SCG5: variants seen among roughly 807,000 people sequenced by gnomAD.
SCG5 encodes neuroendocrine protein 7B2.
A neutral mutation model predicts 25.7 loss-of-function variants in SCG5; 18 were observed. The observed-to-expected ratio is 0.70, with a 90% CI of 0.48 to 1.04. The LOEUF is 1.04. Ranked by LOEUF, SCG5 falls within the 50% of genes least tolerant of loss-of-function variation. SCG5 has a pLI of 0.00. For synonymous variants in SCG5, 101 were observed against 91.7 expected, an observed-to-expected ratio of 1.10 and a Z score of -0.58; for missense variants, 206 against 259.8, an observed-to-expected ratio of 0.79 and a Z score of 1.42.
At chr15:32,672,007 C>G (rs1441741680) in intron 2 of SCG5, among the ~76,000 whole-genome samples, 1 of 152,238 alleles carries the variant, frequency 6.6e-6, no homozygotes, top group Non-Finnish European at 1.5e-5. Context: ...GGAGGCCAGG[C>G]GGTGTCTGGA....
At chr15:32,665,639 G>C (rs2140534763) in intron 2 of SCG5, 1 of 152,272 alleles carries the variant, frequency 6.6e-6, no homozygotes, top group East Asian at 1.9e-4. Context: ...GGGCCTCCTT[G>C]TCATCCAGAG....
At chr15:32,657,083 G>A (rs533355687) in intron 2 of SCG5, among the ~76,000 whole-genome samples, 1 of 149,998 alleles carries the variant, frequency 6.7e-6, no homozygotes, top group East Asian at 2.0e-4. Context: ...CATCTCACAG[G>A]TTTGACAGGG....
intron 2 of SCG5, among the ~76,000 whole-genome samples, chr15:32,663,080 AT>A (rs2054262421): frequency 3.9e-5 from 3 of 77,720 alleles, no homozygotes; most frequent in East Asian, 3.6e-4. Context: ...TATATATATA[AT>A]ATATAATATG....
At chr15:32,655,373 ATTGG>A (rs2054099980) in intron 2 of SCG5, among the ~76,000 whole-genome samples, 1 of 152,032 alleles carries the variant, frequency 6.6e-6, no homozygotes, top group South Asian at 2.1e-4. Flanking sequence ...AGCAAAATGA[ATTGG>A]TCCACTTCCG....
At chr15:32,651,928 G>A (rs1015221791) in intron 2 of SCG5, among the ~76,000 whole-genome samples, 1 of 152,176 alleles carries the variant, frequency 6.6e-6, no homozygotes, top group South Asian at 2.1e-4. Context: ...AGTCATCCCC[G>A]TGTTAGTGGT....
At chr15:32,690,872 C>A (rs1396475271) in intron 4 of SCG5, among the ~76,000 whole-genome samples, 2 of 150,490 alleles carry the variant, frequency 1.3e-5, no homozygotes, top group Admixed American at 6.6e-5. Flanking sequence ...TTTTATACAT[C>A]ATTTTCCTCC....
intron 2 of SCG5, among the ~76,000 whole-genome samples, chr15:32,644,150 G>A (rs1313790440): frequency 6.6e-6 from 1 of 152,188 alleles, no homozygotes; most frequent in Non-Finnish European, 1.5e-5. Context: ...ATGAATGAAG[G>A]AGCATCTAGT....
intron 5 of SCG5, 33 bp downstream of exon 5, chr15:32,691,796 T>G: frequency 6.2e-7 from 1 of 1,608,298 alleles, no homozygotes; most frequent in Non-Finnish European, 8.5e-7. Context: ...GTTGCGGGGA[T>G]GCTTGGAGCT....
chr15:32,695,307 G>A (rs1032081952), intron 5 of SCG5, among the ~76,000 whole-genome samples: 7 of 151,994 alleles, frequency 4.6e-5, no homozygotes, highest in African/African-American at 9.7e-5. Context: ...GAGCCACCGC[G>A]CCTGGCTACA....
At chr15:32,677,472 T>C (rs1387166743) in intron 2 of SCG5, 1 of 152,232 alleles carries the variant, frequency 6.6e-6, no homozygotes, top group African/African-American at 2.4e-5. Flanking sequence ...AACGAAGAGC[T>C]GGCTCAGCCA....
intron 4 of SCG5, among the ~76,000 whole-genome samples, chr15:32,689,921 A>C (rs2054814330): frequency 6.7e-6 from 1 of 149,386 alleles, no homozygotes. Flanking sequence ...AGCTCACTGC[A>C]AGCTCTGCCT....
intron 2 of SCG5, among the ~76,000 whole-genome samples, chr15:32,664,159 A>T (rs1471095431): frequency 3.9e-5 from 6 of 152,294 alleles, no homozygotes; most frequent in African/African-American, 1.4e-4. Context: ...ATGGGACCTT[A>T]GAGAATGTCT....
chr15:32,662,247 T>C (rs978856948), intron 2 of SCG5, among the ~76,000 whole-genome samples: 8 of 152,224 alleles, frequency 5.3e-5, no homozygotes, highest in Admixed American at 2.0e-4. Flanking sequence ...TCAAGCTCTG[T>C]ACCTATTGTT....
chr15:32,685,191 G>C (rs1376949290), intron 4 of SCG5, among the ~76,000 whole-genome samples: 2 of 152,236 alleles, frequency 1.3e-5, no homozygotes, highest in African/African-American at 2.4e-5. Context: ...TCCTAGGTAA[G>C]TGCATATAGC....
At chr15:32,693,155 G>A (rs2140615387) in intron 5 of SCG5, among the ~76,000 whole-genome samples, 1 of 152,170 alleles carries the variant, frequency 6.6e-6, no homozygotes, top group Non-Finnish European at 1.5e-5. Flanking sequence ...CCAAATAAGA[G>A]CAATGACTGA....
At chr15:32,678,840 C>T (rs79260668) in intron 2 of SCG5, among the ~76,000 whole-genome samples, 1,947 of 152,254 alleles carry the variant, frequency 0.013, 42 homozygotes, top group African/African-American at 0.044. Context: ...TTTATAATTA[C>T]AGGAATAGAG....
At chr15:32,684,087 C>A (rs552048920) in intron 3 of SCG5, among the ~76,000 whole-genome samples, 1 of 152,330 alleles carries the variant, frequency 6.6e-6, no homozygotes, top group African/African-American at 2.4e-5. Context: ...TTACACTTGA[C>A]CCCCACAGTT....
intron 4 of SCG5, among the ~76,000 whole-genome samples, chr15:32,690,912 C>T (rs986888338): frequency 6.7e-5 from 10 of 149,114 alleles, no homozygotes; most frequent in African/African-American, 2.5e-4. Flanking sequence ...AATAAAACAA[C>T]ACAAGTAAAG....
intron 2 of SCG5, among the ~76,000 whole-genome samples, chr15:32,671,075 G>A (rs10220719): frequency 0.025 from 3,764 of 152,202 alleles, 107 homozygotes; most frequent in African/African-American, 0.076. Context: ...TGTTATCCCC[G>A]GGTTAAAAGG....
Sources: gnomAD v4.1 joint callset for allele counts (sites outside exome capture counted in the v4.1 genomes callset) on GRCh38, gnomAD v4.1.1 for gene constraint, MANE v1.5 for transcripts, NCBI Gene and HGNC (gene_info 2026-07-23, HGNC 2026-07-21) for gene names.